The following TTC9 variants were observed in gnomAD, a reference collection of about 807,000 sequenced individuals.
The protein encoded by TTC9 is tetratricopeptide repeat protein 9A.
Under a neutral mutation model 22.9 loss-of-function variants are expected in TTC9, and 13 were observed. That is an observed-to-expected ratio of 0.57 (90% CI 0.37 to 0.90). The LOEUF (loss-of-function observed/expected upper bound fraction) is 0.90, where lower values mean the gene tolerates loss of function less well. Among genes scored for constraint, TTC9 ranks in the 40% least tolerant of loss-of-function variants. The pLI, the probability that TTC9 is intolerant of heterozygous loss-of-function variation, is 0.01. For synonymous variants in TTC9, 148 were observed against 133.2 expected, an observed-to-expected ratio of 1.11 and a Z score of -0.77; for missense variants, 280 against 291.8, an observed-to-expected ratio of 0.96 and a Z score of 0.29.
chr14:70,646,646 G>A (rs935423614), intron 1 of TTC9, among the ~76,000 whole-genome samples: 2 of 152,208 alleles, frequency 1.3e-5, no homozygotes, highest in African/African-American at 2.4e-5. Context: ...GGGATACCTT[G>A]TGACCTTGGA....
Position 70,642,037 on chromosome 14 carries a change from C to G in TTC9, c.-93C>G. The G allele has an allele frequency of 1.1e-6, 1 of 892,608 alleles. No homozygotes were observed. The allele number at this position is 892,608 out of a possible 1,614,324, so 55.3% of individuals were successfully genotyped here. On this transcript the variant is annotated 5_prime_UTR_variant, in exon 1 of 3. Transcript: ENST00000256367. The stretch of plus-strand genomic sequence containing the variant: ...CCACGAAGCCTGCGAGGCGCGGGGC[C>G]GGCGCCCGCGGCTTTTAAACCCGGG...
intron 1 of TTC9, among the ~76,000 whole-genome samples, chr14:70,658,916 G>A (rs1886103475): frequency 6.6e-6 from 1 of 152,180 alleles, no homozygotes; most frequent in African/African-American, 2.4e-5. Context: ...CAACTTGGAT[G>A]CATTGCAAGG....
chr14:70,666,696 T>C (rs1290124263), intron 1 of TTC9, among the ~76,000 whole-genome samples: 2 of 152,196 alleles, frequency 1.3e-5, no homozygotes, highest in East Asian at 3.8e-4. Context: ...CTTGGGAAAT[T>C]TCTTCAGCTC....
intron 1 of TTC9, among the ~76,000 whole-genome samples, chr14:70,647,379 C>G (rs567863490): frequency 3.3e-4 from 50 of 152,182 alleles, no homozygotes; most frequent in Non-Finnish European, 6.2e-4. Flanking sequence ...AGGGAATACA[C>G]GTGACCCTAC....
chr14:70,645,007 G>A (rs1885882913), intron 1 of TTC9, among the ~76,000 whole-genome samples: 1 of 152,170 alleles, frequency 6.6e-6, no homozygotes, highest in Non-Finnish European at 1.5e-5. Context: ...AGTTACTGGG[G>A]AGGCTGAGGC....
intron 1 of TTC9, among the ~76,000 whole-genome samples, chr14:70,655,924 A>G (rs1464686527): frequency 6.6e-6 from 1 of 152,050 alleles, no homozygotes; most frequent in East Asian, 1.9e-4. Flanking sequence ...GCTCCCCGCC[A>G]TGCTGCTTGG....
chr14:70,655,857 G>T (rs992175529), intron 1 of TTC9, among the ~76,000 whole-genome samples: 1 of 152,100 alleles, frequency 6.6e-6, no homozygotes, highest in Non-Finnish European at 1.5e-5. Context: ...AAACTCATTT[G>T]GCCATCAGAC....
At chr14:70,665,269 C>G (rs1023009025) in intron 1 of TTC9, among the ~76,000 whole-genome samples, 3 of 152,150 alleles carry the variant, frequency 2.0e-5, no homozygotes, top group African/African-American at 7.2e-5. Flanking sequence ...CAGCTTTTAG[C>G]TCTGGGAGCA....
chr14:70,659,598 G>A (rs1886117410), intron 1 of TTC9, among the ~76,000 whole-genome samples: 1 of 152,192 alleles, frequency 6.6e-6, no homozygotes, highest in Non-Finnish European at 1.5e-5. Context: ...CTCTCTGAAT[G>A]TAAAGGAACT....
chr14:70,648,624 C>T (rs1362356337), intron 1 of TTC9, among the ~76,000 whole-genome samples: 1 of 152,232 alleles, frequency 6.6e-6, no homozygotes, highest in Admixed American at 6.5e-5. Context: ...GAAATCCTCT[C>T]CTCACAGCTG....
At position 70,642,513 on chromosome 14, in the gene TTC9, C is replaced by T; in HGVS notation, c.384C>T (p.Ile128=). ...GCAAGACGGTGGAAGCCATCGAGAT[C>T]GACTGTTACAACAGCCTGGCAGGTG... ...EQSKTVEAIE[I]DCYNSLAACL... The change falls in exon 1 of 3, where the codon ATC becomes ATT. Residue 128 remains isoleucine (I), a synonymous_variant. Coordinates refer to ENST00000256367, the MANE Select transcript of TTC9 (RefSeq NM_015351.2). 6.5e-7 allele frequency: 1 copy of T among 1,543,680 alleles called. No homozygotes were observed. Among genetic ancestry groups the T allele is most frequent in the Non-Finnish European group, 8.7e-7 (1 of 1,144,170 alleles).
chr14:70,643,223 C>T (rs1885854076), intron 1 of TTC9, among the ~76,000 whole-genome samples: 1 of 152,188 alleles, frequency 6.6e-6, no homozygotes, highest in African/African-American at 2.4e-5. Context: ...GCCCGTTTCT[C>T]ACTATGTGTA....
chr14:70,642,329 G>C lies in TTC9; in HGVS notation c.200G>C (p.Cys67Ser), dbSNP rs1292553500. The C allele has an allele frequency of 6.3e-7, 1 of 1,591,750 alleles. No homozygotes were observed. The highest frequency in any genetic ancestry group is 1.4e-5 in the African/African-American group (1 of 73,608). The change falls in exon 1 of 3, where the codon TGC becomes TCC. Residue 67 changes from cysteine (C) to serine (S), a missense_variant. Physicochemically the swap from Cys to Ser is moderately radical, Grantham distance 112. Coordinates refer to ENST00000256367, the MANE Select transcript of TTC9 (RefSeq NM_015351.2). ...AHEFKSQGAQ[C>S]YKDKKFREAI... Reference sequence around the variant, plus strand: ...GAGTTCAAAAGCCAAGGGGCGCAGTGCTACAAGGACAAGAAATTCCGTGAA... The same window carrying C: ...GAGTTCAAAAGCCAAGGGGCGCAGTCCTACAAGGACAAGAAATTCCGTGAA...
At chr14:70,664,182 C>T (rs1003720998) in intron 1 of TTC9, among the ~76,000 whole-genome samples, 36 of 151,984 alleles carry the variant, frequency 2.4e-4, no homozygotes, top group African/African-American at 8.7e-4. Flanking sequence ...TCCACTGCAA[C>T]CCCAGGTCCT....
At chr14:70,654,800 A>T (rs1209602483) in intron 1 of TTC9, among the ~76,000 whole-genome samples, 1 of 152,058 alleles carries the variant, frequency 6.6e-6, no homozygotes, top group Non-Finnish European at 1.5e-5. Context: ...GTGGAAGAAG[A>T]TTTACGAAAC....
Position 70,666,197 on chromosome 14 carries a change from G to A in TTC9, c.407-1367G>A, listed in dbSNP as rs147400605. 1.3e-3 allele frequency among the ~76,000 whole-genome samples: 204 copies of A among 152,282 alleles called. 1 individual carries two copies. Among genetic ancestry groups the A allele is most frequent in the East Asian group, 7.7e-3 (40 of 5,184 alleles). ...AAGGCCATTTAGTCATCCTCCAGGC[G>A]TGTCATCACTCTAGTCCCAGCCCTG... On this transcript the variant is annotated intron_variant, in intron 1 of 2. Transcript: ENST00000256367.
chr14:70,668,014 C>A (rs1157119662), intron 2 of TTC9, among the ~76,000 whole-genome samples: 1 of 152,180 alleles, frequency 6.6e-6, no homozygotes, highest in Non-Finnish European at 1.5e-5. Context: ...GCTCTCTTCA[C>A]TTATTCAACA....
At chr14:70,657,502 A>G (rs1886084434) in intron 1 of TTC9, among the ~76,000 whole-genome samples, 1 of 152,248 alleles carries the variant, frequency 6.6e-6, no homozygotes, top group Non-Finnish European at 1.5e-5. Context: ...GTGCAAGCAC[A>G]TACTAGAATG....
intron 1 of TTC9, 98 bp from the exon 2 acceptor site, chr14:70,667,466 C>T (rs1433464750): frequency 2.2e-6 from 3 of 1,362,850 alleles, no homozygotes; most frequent in East Asian, 2.4e-5. Flanking sequence ...AGTGGAAAAC[C>T]CCAACCCTGC....
Sources: gnomAD v4.1 joint callset for allele counts (sites outside exome capture counted in the v4.1 genomes callset) on GRCh38, gnomAD v4.1.1 for gene constraint, MANE v1.5 for transcripts, NCBI Gene and HGNC (gene_info 2026-07-23, HGNC 2026-07-21) for gene names.